RARB: variants seen among roughly 807,000 people sequenced by gnomAD.
The protein encoded by RARB is HBV-activated protein.
A neutral mutation model predicts 51.9 loss-of-function variants in RARB; 17 were observed. That is an observed-to-expected ratio of 0.33 (90% CI 0.22 to 0.49). The LOEUF (loss-of-function observed/expected upper bound fraction) is 0.49. Among genes scored for constraint, RARB ranks in the 20% least tolerant of loss-of-function variants. The pLI is 0.99. For missense variants in RARB, 369 were observed against 550.8 expected (o/e 0.67, Z 3.30); for synonymous variants, 215 against 195.4 (o/e 1.10, Z -0.84).
chr3:25,212,104 T>C (rs1255586970), intron 5 of RARB, among the ~76,000 whole-genome samples: 2 of 152,194 alleles, frequency 1.3e-5, no homozygotes, highest in African/African-American at 4.8e-5. Flanking sequence ...TGAAGTGACA[T>C]TGTCAAAGAC....
chr3:25,231,461 G>A (rs1224479179), intron 5 of RARB, among the ~76,000 whole-genome samples: 1 of 152,102 alleles, frequency 6.6e-6, no homozygotes, highest in African/African-American at 2.4e-5. Flanking sequence ...TGTTCTCACA[G>A]CCAAGCAATA....
intron 2 of RARB, among the ~76,000 whole-genome samples, chr3:25,012,162 C>T (rs1021316041): frequency 6.6e-6 from 1 of 152,018 alleles, no homozygotes. Flanking sequence ...ATTGACCCCA[C>T]TAAACATTGA....
At chr3:25,232,451 G>A (rs745823793) in intron 5 of RARB, among the ~76,000 whole-genome samples, 1 of 151,892 alleles carries the variant, frequency 6.6e-6, no homozygotes, top group Non-Finnish European at 1.5e-5. Flanking sequence ...CATGAATCTA[G>A]TATATCTCTA....
rs1553638372 is a variant in RARB at position 25,597,718 on chromosome 3, A to AGAGTG, written c.*1104_*1108dup. 1 of 152,628 alleles carries AGAGTG rather than the reference A, an allele frequency of 6.6e-6. No homozygotes were observed. The highest frequency in any genetic ancestry group is 2.4e-5 in the African/African-American group (1 of 41,442). 9.5% of individuals were successfully genotyped at this position (152,628 alleles called of 1,614,324 possible). A position where few individuals can be genotyped will look rare whatever the true frequency, so the allele number is the denominator to read the frequency against. On this transcript the variant is annotated 3_prime_UTR_variant, in exon 8 of 8. Coordinates refer to ENST00000330688, the MANE Select transcript of RARB (RefSeq NM_000965.5). ...TATGAAGCAGAGTGAAAGCTGTGGT[A>AGAGTG]GAGTGGTTAACAGATACAAGTGTCA...
At chr3:25,481,564 TGTCTGTTATG>T (rs929223897) in intron 2 of RARB, among the ~76,000 whole-genome samples, 1 of 152,328 alleles carries the variant, frequency 6.6e-6, no homozygotes, top group East Asian at 1.9e-4. Flanking sequence ...ATGCAGAGCC[TGTCTGTTATG>T]GTCACTGAAT....
At chr3:24,947,422 A>C (rs1695798491) in intron 2 of RARB, among the ~76,000 whole-genome samples, 1 of 152,198 alleles carries the variant, frequency 6.6e-6, no homozygotes, top group Non-Finnish European at 1.5e-5. Flanking sequence ...AATTTTGGAT[A>C]TTATGTGTGT....
chr3:24,869,764 G>C (rs763838317), intron 2 of RARB, among the ~76,000 whole-genome samples: 2 of 151,866 alleles, frequency 1.3e-5, no homozygotes, highest in African/African-American at 4.8e-5. Flanking sequence ...TTGTATTTCT[G>C]TTTATCCTCT....
intron 2 of RARB, among the ~76,000 whole-genome samples, chr3:25,478,234 G>T (rs1043613169): frequency 6.6e-6 from 1 of 152,156 alleles, no homozygotes; most frequent in African/African-American, 2.4e-5. Context: ...AAGAGGAGGG[G>T]ACATAAACCC....
At chr3:25,451,572 G>A (rs1002305180) in intron 1 of RARB, among the ~76,000 whole-genome samples, 1 of 152,304 alleles carries the variant, frequency 6.6e-6, no homozygotes, top group African/African-American at 2.4e-5. Context: ...AGTAAGCCAA[G>A]CATTATTTTA....
At chr3:25,492,252 C>T (rs1180465841) in intron 2 of RARB, among the ~76,000 whole-genome samples, 3 of 152,114 alleles carry the variant, frequency 2.0e-5, no homozygotes, top group Admixed American at 6.5e-5. Context: ...GTATGGTATC[C>T]AAGGTCATGT....
chr3:25,216,260 T>C (rs1319405093), intron 5 of RARB, among the ~76,000 whole-genome samples: 1 of 152,192 alleles, frequency 6.6e-6, no homozygotes, highest in East Asian at 1.9e-4. Flanking sequence ...TGGTAATTCA[T>C]TTCTTATTTT....
chr3:25,235,113 A>T (rs1478661049), intron 5 of RARB, among the ~76,000 whole-genome samples: 1 of 152,174 alleles, frequency 6.6e-6, no homozygotes, highest in Non-Finnish European at 1.5e-5. Context: ...AGCACAGGCC[A>T]CTAAGCTTAT....
intron 2 of RARB, among the ~76,000 whole-genome samples, chr3:24,962,642 C>G (rs1696166267): frequency 6.6e-6 from 1 of 152,154 alleles, no homozygotes; most frequent in Non-Finnish European, 1.5e-5. Flanking sequence ...CATAGGAGCA[C>G]AAACCCTATC....
At chr3:24,915,951 C>A (rs1695098375) in intron 2 of RARB, among the ~76,000 whole-genome samples, 1 of 152,044 alleles carries the variant, frequency 6.6e-6, no homozygotes, top group South Asian at 2.1e-4. Context: ...TCACAGGAGT[C>A]AGGGAGAGAG....
intron 5 of RARB, among the ~76,000 whole-genome samples, chr3:25,320,617 A>G (rs903582690): frequency 2.6e-5 from 4 of 152,184 alleles, no homozygotes; most frequent in African/African-American, 9.7e-5. Flanking sequence ...TTGCTTCTAA[A>G]TGCTACATCT....
At chr3:25,458,990 T>A (rs1695042466) in intron 1 of RARB, among the ~76,000 whole-genome samples, 1 of 152,216 alleles carries the variant, frequency 6.6e-6, no homozygotes, top group African/African-American at 2.4e-5. Context: ...TGCCAGGACC[T>A]CTACTAGTCC....
intron 5 of RARB, among the ~76,000 whole-genome samples, chr3:25,301,295 G>A (rs2125427695): frequency 6.6e-6 from 1 of 152,126 alleles, no homozygotes; most frequent in East Asian, 1.9e-4. Flanking sequence ...GCTACCTGGG[G>A]ACTCTCCATT....
intron 2 of RARB, among the ~76,000 whole-genome samples, chr3:24,859,477 ACT>A (rs745826837): frequency 1.3e-5 from 2 of 151,978 alleles, no homozygotes; most frequent in African/African-American, 2.4e-5. Flanking sequence ...AGTTAAACAG[ACT>A]CTTCTAAAGC....
chr3:25,048,752 C>CCT (rs1698266439), intron 2 of RARB, among the ~76,000 whole-genome samples: 1 of 108,408 alleles, frequency 9.2e-6, no homozygotes, highest in African/African-American at 3.6e-5. Context: ...ATTAAGCCCA[C>CCT]TTTTTTTTTT....
Sources: gnomAD v4.1 joint callset for allele counts (sites outside exome capture counted in the v4.1 genomes callset) on GRCh38, gnomAD v4.1.1 for gene constraint, MANE v1.5 for transcripts, NCBI Gene and HGNC (gene_info 2026-07-23, HGNC 2026-07-21) for gene names.